The following VAPA variants were observed in gnomAD, a reference collection of about 807,000 sequenced individuals.
VAPA encodes vesicle-associated membrane protein-associated protein A.
A neutral mutation model predicts 25.6 loss-of-function variants in VAPA; 6 were observed. The observed-to-expected ratio is 0.23, with a 90% confidence interval of 0.13 to 0.46. The LOEUF (loss-of-function observed/expected upper bound fraction) is 0.46, where lower values mean the gene tolerates loss of function less well. Ranked by LOEUF, VAPA falls within the 20% of genes least tolerant of loss-of-function variation. The pLI, the probability that VAPA is intolerant of heterozygous loss-of-function variation, is 0.99. For synonymous variants in VAPA, 112 were observed against 106.2 expected (o/e 1.05, Z -0.34); for missense variants, 244 against 302.1 (o/e 0.81, Z 1.43).
chr18:9,936,934 C>A, intron 3 of VAPA, 52 bp from the exon 4 acceptor site: 1 of 1,545,538 alleles, frequency 6.5e-7, no homozygotes, highest in Non-Finnish European at 8.9e-7. Flanking sequence ...GTGAAACTTA[C>A]TTACCATGAT....
intron 1 of VAPA, among the ~76,000 whole-genome samples, chr18:9,921,608 A>G (rs1599097237): frequency 6.6e-6 from 1 of 152,212 alleles, no homozygotes; most frequent in Non-Finnish European, 1.5e-5. Flanking sequence ...CATCATCTCA[A>G]CATAGTTTCT....
intron 4 of VAPA, among the ~76,000 whole-genome samples, chr18:9,940,479 G>A (rs538689336): frequency 6.6e-6 from 1 of 152,170 alleles, no homozygotes; most frequent in Non-Finnish European, 1.5e-5. Context: ...GGTAAGAGTG[G>A]AGGCCCATTT....
chr18:9,919,037 G>A (rs1356642690), intron 1 of VAPA, among the ~76,000 whole-genome samples: 1 of 152,082 alleles, frequency 6.6e-6, no homozygotes, highest in African/African-American at 2.4e-5. Context: ...ATAGGTGCAT[G>A]CTACCATGCC....
At chr18:9,922,640 C>T (rs548477271) in intron 1 of VAPA, among the ~76,000 whole-genome samples, 3 of 152,106 alleles carry the variant, frequency 2.0e-5, no homozygotes, top group African/African-American at 2.4e-5. Flanking sequence ...TTATAGGTTT[C>T]AGACCTTCAA....
At chr18:9,937,146 T>C (rs1474127005) in intron 4 of VAPA, 80 bp downstream of exon 4, 5 of 1,205,358 alleles carry the variant, frequency 4.1e-6, no homozygotes, top group Non-Finnish European at 4.8e-6. Flanking sequence ...ATTTTTGACC[T>C]TTGAGGTATG....
At chr18:9,931,237 T>C (rs2143338233) in intron 1 of VAPA, among the ~76,000 whole-genome samples, 2 of 152,352 alleles carry the variant, frequency 1.3e-5, no homozygotes, top group South Asian at 4.1e-4. Context: ...TTCTTTGTTT[T>C]GTAATTTTAT....
intron 1 of VAPA, among the ~76,000 whole-genome samples, chr18:9,930,932 A>G (rs1272736320): frequency 6.6e-6 from 1 of 152,124 alleles, no homozygotes; most frequent in African/African-American, 2.4e-5. Context: ...GACTTTGTAA[A>G]ATTTTAAAAG....
chr18:9,928,300 A>T (rs983306540), intron 1 of VAPA, among the ~76,000 whole-genome samples: 1 of 152,004 alleles, frequency 6.6e-6, no homozygotes, highest in Non-Finnish European at 1.5e-5. Flanking sequence ...CTGAAAAAAC[A>T]TTTTTATTGT....
chr18:9,928,918 CTTAACAT>C (rs773588868), intron 1 of VAPA, among the ~76,000 whole-genome samples: 11 of 152,094 alleles, frequency 7.2e-5, no homozygotes, highest in Non-Finnish European at 1.5e-4. Flanking sequence ...TGACAGTTTT[CTTAACAT>C]TGTTAAAAGG....
chr18:9,936,065 A>C, intron 2 of VAPA, 45 bp from the exon 3 acceptor site: 1 of 1,368,582 alleles, frequency 7.3e-7, no homozygotes. Flanking sequence ...TATGTCTTTC[A>C]GACATGCAGG....
At chr18:9,938,008 T>C (rs1164982714) in intron 4 of VAPA, among the ~76,000 whole-genome samples, 2 of 152,214 alleles carry the variant, frequency 1.3e-5, no homozygotes, top group Non-Finnish European at 2.9e-5. Context: ...ATTTTTGAGG[T>C]ATTTGCCAAA....
chr18:9,914,839 G>C (rs62078819), intron 1 of VAPA: 24,581 of 152,588 alleles, frequency 0.16, 2,350 homozygotes, highest in Non-Finnish European at 0.22. Flanking sequence ...GCGCGGGGAG[G>C]CTAGGGCACG....
At chr18:9,922,274 TCAGTATTTTTAAAA>T (rs2143294983) in intron 1 of VAPA, among the ~76,000 whole-genome samples, 1 of 152,316 alleles carries the variant, frequency 6.6e-6, no homozygotes, top group African/African-American at 2.4e-5. Flanking sequence ...CTGGCCTGCC[TCAGTATTTTTAAAA>T]CAAATCCTGA....
At chr18:9,936,531 A>G (rs1188169493) in intron 3 of VAPA, 2 of 213,684 alleles carry the variant, frequency 9.4e-6, no homozygotes, top group African/African-American at 4.6e-5. Flanking sequence ...CGACATGACA[A>G]GACCCTGTCT....
At chr18:9,947,102 C>T (rs2069432994) in intron 4 of VAPA, among the ~76,000 whole-genome samples, 1 of 152,180 alleles carries the variant, frequency 6.6e-6, no homozygotes, top group Non-Finnish European at 1.5e-5. Context: ...GCTGACATCT[C>T]CTATGTTAAC....
Position 9,954,079 on chromosome 18 carries a change from A to G in VAPA, c.618A>G (p.Val206=), listed in dbSNP as rs886328214. 4 of 1,613,926 alleles carry G rather than the reference A, an allele frequency of 2.5e-6. No individual in the cohort carries two copies. The highest frequency in any genetic ancestry group is 2.5e-6 in the Non-Finnish European group (3 of 1,179,986). The part of the protein sequence containing the change: ...LRDEGLRLRK[V]AHSDKPGSTS... Reference sequence around the variant, plus strand: ...ATGAAGGTTTAAGGCTCAGAAAGGTAGCACATTCGGATAAACCTGGATCAA... The same window carrying G: ...ATGAAGGTTTAAGGCTCAGAAAGGTGGCACATTCGGATAAACCTGGATCAA... The change falls in exon 6 of 6, where the codon GTA becomes GTG. Residue 206 remains valine (V), a synonymous_variant. Coordinates refer to ENST00000400000, the MANE Select transcript of VAPA (RefSeq NM_194434.3).
At chr18:9,923,732 ACCTC>A (rs2069176255) in intron 1 of VAPA, among the ~76,000 whole-genome samples, 1 of 152,060 alleles carries the variant, frequency 6.6e-6, no homozygotes, top group African/African-American at 2.4e-5. Flanking sequence ...ACTGAGAAAA[ACCTC>A]ACTAACAACA....
At chr18:9,942,700 T>C (rs2069378201) in intron 4 of VAPA, among the ~76,000 whole-genome samples, 1 of 152,126 alleles carries the variant, frequency 6.6e-6, no homozygotes, top group African/African-American at 2.4e-5. Flanking sequence ...GGGGAGCAGA[T>C]GCCTCACGTG....
At chr18:9,945,510 C>T (rs1327046605) in intron 4 of VAPA, among the ~76,000 whole-genome samples, 2 of 151,858 alleles carry the variant, frequency 1.3e-5, no homozygotes, top group Non-Finnish European at 2.9e-5. Flanking sequence ...CAGGCACGTG[C>T]CACCATGCCT....
Sources: allele counts gnomAD v4.1 joint callset (sites outside exome capture counted in the v4.1 genomes callset), GRCh38; gene constraint gnomAD v4.1.1; transcripts MANE v1.5; gene names NCBI Gene and HGNC (gene_info 2026-07-23, HGNC 2026-07-21).